The following CPE variants were observed in gnomAD, a reference collection of about 807,000 sequenced individuals.
CPE encodes carboxypeptidase E.
Under a neutral mutation model 53.5 loss-of-function variants are expected in CPE, and 17 were observed. That is an observed-to-expected ratio of 0.32 (90% CI 0.22 to 0.48). The LOEUF (loss-of-function observed/expected upper bound fraction) is 0.48. CPE is among the 20% of genes least tolerant of loss of function. The pLI, the probability that CPE is intolerant of heterozygous loss-of-function variation, is 0.99. For missense variants in CPE, 524 were observed against 614.7 expected (o/e 0.85, Z 1.56); for synonymous variants, 226 against 228.8 (o/e 0.99, Z 0.11).
chr4:165,441,355 G>T (rs1197249218), intron 1 of CPE, among the ~76,000 whole-genome samples: 1 of 152,240 alleles, frequency 6.6e-6, no homozygotes, highest in Admixed American at 6.5e-5. Context: ...ATAGCACTTG[G>T]TGGACCTTGG....
At chr4:165,490,557 C>T (rs973554459) in intron 6 of CPE, among the ~76,000 whole-genome samples, 4 of 139,852 alleles carry the variant, frequency 2.9e-5, no homozygotes, top group African/African-American at 8.1e-5. Context: ...GGCATGAACC[C>T]GGGAGGCGGA....
intron 3 of CPE, among the ~76,000 whole-genome samples, chr4:165,474,032 C>G (rs1172798867): frequency 6.6e-6 from 1 of 152,234 alleles, no homozygotes; most frequent in African/African-American, 2.4e-5. Flanking sequence ...CTCATTTGTC[C>G]CATTGGGGCA....
intron 1 of CPE, among the ~76,000 whole-genome samples, chr4:165,448,417 A>G (rs1731751745): frequency 2.6e-5 from 4 of 152,304 alleles, no homozygotes; most frequent in African/African-American, 7.2e-5. Context: ...TTGGCAGTCA[A>G]GTGGTGGAGC....
At chr4:165,405,324 C>A in intron 1 of CPE, 1 of 1,408,902 alleles carries the variant, frequency 7.1e-7, no homozygotes, top group Non-Finnish European at 1.0e-6. Flanking sequence ...TTGCACAGGA[C>A]CTGACCATGG....
chr4:165,457,965 A>T (rs890950412), intron 1 of CPE, among the ~76,000 whole-genome samples: 1 of 152,192 alleles, frequency 6.6e-6, no homozygotes, highest in Non-Finnish European at 1.5e-5. Flanking sequence ...TTAGGCTGCT[A>T]AAATATGAGC....
intron 1 of CPE, chr4:165,405,468 G>A (rs1730938303): frequency 5.8e-6 from 5 of 855,276 alleles, no homozygotes; most frequent in Non-Finnish European, 1.0e-5. Flanking sequence ...AGAGGTGTGG[G>A]ATAAAGGGAA....
intron 1 of CPE, among the ~76,000 whole-genome samples, chr4:165,434,072 C>A (rs1157503542): frequency 6.6e-6 from 1 of 152,084 alleles, no homozygotes; most frequent in Admixed American, 6.6e-5. Context: ...GGAAACCTTC[C>A]TTGTCTTTCC....
chr4:165,404,662 T>C, intron 1 of CPE: 1 of 1,046,670 alleles, frequency 9.6e-7, no homozygotes, highest in South Asian at 1.3e-5. Flanking sequence ...TTGGGTCAAC[T>C]CCTTCCTGGA....
At chr4:165,399,856 G>A (rs1376956514) in intron 1 of CPE, among the ~76,000 whole-genome samples, 1 of 152,046 alleles carries the variant, frequency 6.6e-6, no homozygotes, top group Non-Finnish European at 1.5e-5. Flanking sequence ...ATCTTGACCA[G>A]TGTAGAGGAG....
chr4:165,396,300 C>T (rs1730765873), intron 1 of CPE, among the ~76,000 whole-genome samples: 1 of 152,132 alleles, frequency 6.6e-6, no homozygotes, highest in South Asian at 2.1e-4. Flanking sequence ...TCTGTAACTC[C>T]TACAACTTGA....
chr4:165,447,698 C>T (rs1394095915), intron 1 of CPE, among the ~76,000 whole-genome samples: 1 of 152,026 alleles, frequency 6.6e-6, no homozygotes, highest in African/African-American at 2.4e-5. Context: ...CTTTTGTAAT[C>T]ACACAGCTTA....
chr4:165,456,743 T>C (rs927291226), intron 1 of CPE, among the ~76,000 whole-genome samples: 15 of 141,336 alleles, frequency 1.1e-4, no homozygotes, highest in African/African-American at 2.9e-4. Flanking sequence ...CAGCTAATTT[T>C]TTTTTTTTTT....
At chr4:165,415,104 G>A (rs1731100852) in intron 1 of CPE, 1 of 166,694 alleles carries the variant, frequency 6.0e-6, no homozygotes, top group Non-Finnish European at 1.5e-5. Flanking sequence ...TATAATTAAT[G>A]AAAATGTTAA....
At position 165,379,066 on chromosome 4, in the gene CPE, C is replaced by G; in HGVS notation, c.-156C>G. 5 of 641,852 alleles carry G rather than the reference C, an allele frequency of 7.8e-6. No individual in the cohort carries two copies. The highest frequency in any genetic ancestry group is 1.6e-4 in the South Asian group (2 of 12,432). 39.8% of individuals were successfully genotyped at this position (641,852 alleles called of 1,614,324 possible). A position where few individuals can be genotyped will look rare whatever the true frequency, so the allele number is the denominator to read the frequency against. The stretch of plus-strand genomic sequence containing the variant: ...GTCTCCTCTGGGTGGCCCCAGTGCG[C>G]GGGCTGACACTCATTCAGCCGGGGA... On this transcript the variant is annotated 5_prime_UTR_variant, in exon 1 of 9. Transcript: ENST00000402744. The surrounding 1 kb of genome is among the most constrained non-coding windows in gnomAD (Gnocchi z 6.0).
At chr4:165,456,205 C>G (rs906097288) in intron 1 of CPE, among the ~76,000 whole-genome samples, 1 of 152,020 alleles carries the variant, frequency 6.6e-6, no homozygotes, top group Non-Finnish European at 1.5e-5. Context: ...TTTAGAAAAA[C>G]TATATAATAG....
At chr4:165,475,825 C>G (rs1247569488) in intron 3 of CPE, among the ~76,000 whole-genome samples, 1 of 152,120 alleles carries the variant, frequency 6.6e-6, no homozygotes, top group Non-Finnish European at 1.5e-5. Flanking sequence ...CTCCGAGCCA[C>G]CCATTAGAGT....
At chr4:165,444,673 A>G (rs1560884459) in intron 1 of CPE, among the ~76,000 whole-genome samples, 1 of 152,096 alleles carries the variant, frequency 6.6e-6, no homozygotes, top group Non-Finnish European at 1.5e-5. Context: ...AGTTCCTACC[A>G]GCTCAGCCAT....
chr4:165,387,125 CTA>C (rs1560866158), intron 1 of CPE, among the ~76,000 whole-genome samples: 1 of 152,144 alleles, frequency 6.6e-6, no homozygotes, highest in East Asian at 1.9e-4. Flanking sequence ...CCAGCTTTTT[CTA>C]ATAAAACATG....
At chr4:165,443,474 GGAGACTGGAAGTCT>G (rs1731650333) in intron 1 of CPE, among the ~76,000 whole-genome samples, 1 of 152,090 alleles carries the variant, frequency 6.6e-6, no homozygotes, top group Admixed American at 6.5e-5. Context: ...TCACAGTTCT[GGAGACTGGAAGTCT>G]GAGATCAAAG....
Sources: gnomAD v4.1 joint callset for allele counts (sites outside exome capture counted in the v4.1 genomes callset) on GRCh38, gnomAD v4.1.1 for gene constraint, Gnocchi (gnomAD v3.1) non-coding constraint, MANE v1.5 for transcripts, NCBI Gene and HGNC (gene_info 2026-07-23, HGNC 2026-07-21) for gene names.